DNM2: variants seen among roughly 807,000 people sequenced by gnomAD.
The protein encoded by DNM2 is dynamin-2.
In DNM2, 15 loss-of-function variants were observed where a neutral mutation model predicts 99.0. The observed-to-expected ratio is 0.15, with a 90% CI of 0.10 to 0.23. The LOEUF (loss-of-function observed/expected upper bound fraction) is 0.23, where lower values mean the gene tolerates loss of function less well. Among genes scored for constraint, DNM2 ranks in the 10% least tolerant of loss-of-function variants. DNM2 has a pLI of 1.00. For missense variants in DNM2, 742 were observed against 1,189.4 expected, an observed-to-expected ratio of 0.62 and a Z score of 5.53; for synonymous variants, 525 against 481.2, an observed-to-expected ratio of 1.09 and a Z score of -1.19.
intron 2 of DNM2, among the ~76,000 whole-genome samples, chr19:10,761,850 C>T (rs1291817665): frequency 6.6e-6 from 1 of 152,186 alleles, no homozygotes; most frequent in Non-Finnish European, 1.5e-5. Context: ...GGCCCACCAC[C>T]TCTTCTTTAT....
intron 8 of DNM2, among the ~76,000 whole-genome samples, chr19:10,794,396 A>G (rs2071860560): frequency 6.8e-6 from 1 of 146,098 alleles, no homozygotes. Flanking sequence ...TTGAAGTTTT[A>G]TACTGTTTAC....
chr19:10,824,950 C>G, intron 17 of DNM2, 107 bp from the exon 18 acceptor site: 1 of 1,578,464 alleles, frequency 6.3e-7, no homozygotes, highest in Non-Finnish European at 8.7e-7. Flanking sequence ...TGTCAGGGGC[C>G]AGCCTGAGGT....
chr19:10,766,428 C>T (rs1363898428), intron 2 of DNM2, among the ~76,000 whole-genome samples: 1 of 152,108 alleles, frequency 6.6e-6, no homozygotes, highest in Non-Finnish European at 1.5e-5. Context: ...CCCCCTGACC[C>T]TGAGAAGGTG....
chr19:10,793,646 C>T lies in DNM2; in HGVS notation c.993-74C>T, dbSNP rs970472319. ...ATGGTAAAAGAACAGTAAACCCTGG[C>T]TTGACTTGGAACATCATTCCAGAGT... On this transcript the variant is annotated intron_variant, in intron 7 of 20. Transcript: ENST00000389253. 15 of 1,612,996 alleles carry T rather than the reference C, an allele frequency of 9.3e-6. No homozygotes were observed. The African/African-American group carries it at 1.9e-4, about 20-fold the overall frequency.
Position 10,816,208 on chromosome 19 carries a change from C to T in DNM2, c.1672-3772C>T, listed in dbSNP as rs568938715. 2.0e-5 allele frequency among the ~76,000 whole-genome samples: 3 copies of T among 152,250 alleles called. No homozygotes were observed. The East Asian group carries it at 5.8e-4, about 30-fold the overall frequency. ...GACACCCCAGCCCGACATCCGAACA[C>T]CTCCGCTGCAGCCCAGGCCTGATGT... is the stretch of plus-strand genomic sequence containing the variant. On this transcript the variant is annotated intron_variant, in intron 15 of 20. Transcript: ENST00000389253. The surrounding 1 kb of genome is among the most constrained non-coding windows in gnomAD (Gnocchi z 4.6).
chr19:10,819,859 G>A, intron 15 of DNM2, 121 bp from the exon 16 acceptor site: 1 of 880,152 alleles, frequency 1.1e-6, no homozygotes, highest in East Asian at 2.4e-5. Context: ...CTCATATACA[G>A]CAGCGACCAG....
At chr19:10,730,512 G>A (rs569431754) in intron 1 of DNM2, among the ~76,000 whole-genome samples, 2 of 152,092 alleles carry the variant, frequency 1.3e-5, no homozygotes, top group African/African-American at 4.8e-5. Flanking sequence ...CCAGAATGGA[G>A]TGAATTTCAC....
rs1450875616 is a variant in DNM2, at chr19:10,818,454, A to G, written c.1672-1526A>G. 6.6e-6 allele frequency among the ~76,000 whole-genome samples: 1 copy of G among 152,188 alleles called. No homozygotes were observed. The highest frequency in any genetic ancestry group is 1.5e-5 in the Non-Finnish European group (1 of 68,038). On this transcript the variant is annotated intron_variant, in intron 15 of 20. Coordinates refer to ENST00000389253, the MANE Select transcript of DNM2 (RefSeq NM_001005361.3). This position sits in a 1 kb window ranked among gnomAD's most constrained non-coding sequence, Gnocchi z 4.3. ...GGATAGATGAGGAAACTGAGATGAA[A>G]TGGGAGGTGGCGGGGAAGTGGCTTG...
chr19:10,812,277 G>C lies in DNM2; in HGVS notation c.1571G>C (p.Gly524Ala). Residue 524 changes from glycine to alanine, a missense_variant, in exon 15 of 21, where the codon GGC becomes GCC. This residue lies in a region of DNM2 where 240 missense variants were observed against 431.3 expected (regional missense o/e 0.56). Transcript: ENST00000389253. The surrounding 1 kb of genome is among the most constrained non-coding windows in gnomAD (Gnocchi z 4.0). The part of the protein sequence containing the change: ...NQGEILVIRR[G>A]WLTINNISLM... ...GCTTTCCCCCAGGTGATCCGCAGGG[G>C]CTGGCTGACCATCAACAACATCAGC... is the stretch of plus-strand genomic sequence containing the variant. 1 of 1,603,744 alleles carries C rather than the reference G, an allele frequency of 6.2e-7. No homozygotes were observed. The highest frequency in any genetic ancestry group is 8.5e-7 in the Non-Finnish European group (1 of 1,174,912).
Position 10,803,425 on chromosome 19 carries a change from C to A in DNM2, c.1493+1067C>A, listed in dbSNP as rs1599585433. 3.3e-5 allele frequency among the ~76,000 whole-genome samples: 5 copies of A among 152,300 alleles called. No individual in the cohort carries two copies. The East Asian group carries it at 9.7e-4, about 29-fold the overall frequency. ...AGCCGAAGTCCCTGACTGGGCCTCC[C>A]CTGCCTGTGGGTGGCAGCCCCCGGC... On this transcript the variant is annotated intron_variant, in intron 12 of 20. Transcript: ENST00000389253.
intron 1 of DNM2, among the ~76,000 whole-genome samples, chr19:10,719,562 G>C (rs1039634042): frequency 6.6e-6 from 1 of 152,100 alleles, no homozygotes; most frequent in Non-Finnish European, 1.5e-5. Context: ...AAATGAATGA[G>C]AACAGCCCGT....
At chr19:10,821,162 C>T (rs554272905) in intron 16 of DNM2, among the ~76,000 whole-genome samples, 3 of 152,248 alleles carry the variant, frequency 2.0e-5, no homozygotes, top group African/African-American at 7.2e-5. Flanking sequence ...TTTGCTCTGG[C>T]TGGCCTAAAG....
Position 10,831,234 on chromosome 19 carries a change from A to G in DNM2, c.*187A>G. Reference sequence around the variant, plus strand: ...CCTGGCTGGACACCGCACTGCGCAAAGGGGCCCTGGAGCTCCAGGCAGGGG... The same window carrying G: ...CCTGGCTGGACACCGCACTGCGCAAGGGGGCCCTGGAGCTCCAGGCAGGGG... On this transcript the variant is annotated 3_prime_UTR_variant, in exon 21 of 21. Transcript: ENST00000389253. This position sits in a 1 kb window ranked among gnomAD's most constrained non-coding sequence, Gnocchi z 4.3. 7.4e-7 allele frequency: 1 copy of G among 1,344,662 alleles called. No individual in the cohort carries two copies. The highest frequency in any genetic ancestry group is 9.5e-7 in the Non-Finnish European group (1 of 1,052,416). 83.3% of individuals were successfully genotyped at this position (1,344,662 alleles called of 1,614,324 possible).
At chr19:10,738,885 A>T (rs896991211) in intron 1 of DNM2, among the ~76,000 whole-genome samples, 3 of 146,378 alleles carry the variant, frequency 2.0e-5, no homozygotes, top group African/African-American at 7.6e-5. Flanking sequence ...AAAAAAAAAA[A>T]AGGCTGGGCT....
chr19:10,736,622 G>T (rs734535), intron 1 of DNM2, among the ~76,000 whole-genome samples: 112,032 of 151,874 alleles, frequency 0.74, 41,850 homozygotes, highest in African/African-American at 0.86. Flanking sequence ...TTGTTTGTTT[G>T]TTTAGACAAA....
At chr19:10,770,371 C>T (rs763843240) in intron 2 of DNM2, among the ~76,000 whole-genome samples, 8 of 152,168 alleles carry the variant, frequency 5.3e-5, no homozygotes, top group Non-Finnish European at 8.8e-5. Context: ...GGTCAGGTCT[C>T]TGACCTCTTT....
rs896380297 is a variant in DNM2 at position 10,818,205 on chromosome 19, C to A, written c.1672-1775C>A. On this transcript the variant is annotated intron_variant, in intron 15 of 20. Coordinates refer to ENST00000389253, the MANE Select transcript of DNM2 (RefSeq NM_001005361.3). The surrounding 1 kb of genome is among the most constrained non-coding windows in gnomAD (Gnocchi z 4.3). ...GCGGCATCCCTCCCTCCATGGCCACCGGGCCCCTCTCCTATGCTCTGCTCC... is the reference window on the plus strand; with the variant it reads ...GCGGCATCCCTCCCTCCATGGCCACAGGGCCCCTCTCCTATGCTCTGCTCC... 1.7e-5 allele frequency among the ~76,000 whole-genome samples: 2 copies of A among 115,262 alleles called. No individual in the cohort carries two copies. Among genetic ancestry groups the A allele is most frequent in the African/African-American group, 5.9e-5 (2 of 33,810 alleles). The allele number at this position is 115,262 out of a possible 152,430, so 75.6% of individuals were successfully genotyped here.
chr19:10,761,498 C>T (rs540008529), intron 2 of DNM2, among the ~76,000 whole-genome samples: 18 of 152,238 alleles, frequency 1.2e-4, no homozygotes, highest in African/African-American at 4.3e-4. Flanking sequence ...GAAGCTAGAC[C>T]CGGGAGAGGT....
At chr19:10,786,396 T>G in intron 6 of DNM2, 168 bp from the exon 7 acceptor site, 2 of 1,108,974 alleles carry the variant, frequency 1.8e-6, no homozygotes, top group Non-Finnish European at 2.7e-6. Flanking sequence ...TTCCCAGACA[T>G]GAGTGTGTCT....
Sources: gnomAD v4.1 joint callset for allele counts (sites outside exome capture counted in the v4.1 genomes callset) on GRCh38, gnomAD v4.1.1 for gene constraint, gnomAD v4.1.1 regional missense constraint, Gnocchi (gnomAD v3.1) non-coding constraint, MANE v1.5 for transcripts, NCBI Gene and HGNC (gene_info 2026-07-23, HGNC 2026-07-21) for gene names.